Variants in RPA1 observed in about 807,000 individuals in gnomAD.
RPA1 encodes the protein replication protein A1.
In RPA1, 49 loss-of-function variants were observed where a neutral mutation model predicts 83.0. That is an observed-to-expected ratio of 0.59 (90% CI 0.47 to 0.75). RPA1 has a LOEUF of 0.75. Ranked by LOEUF, RPA1 falls within the 30% of genes least tolerant of loss-of-function variation. RPA1 has a pLI of 0.00. For missense variants in RPA1, 693 were observed against 776.1 expected, an observed-to-expected ratio of 0.89 and a Z score of 1.27; for synonymous variants, 279 against 281.8, an observed-to-expected ratio of 0.99 and a Z score of 0.10.
chr17:1,884,918 G>A lies in RPA1; in HGVS notation c.1374+974G>A, dbSNP rs558892644. Among the ~76,000 whole-genome samples, 8 of 152,308 alleles carry A rather than the reference G, an allele frequency of 5.3e-5. No individual in the cohort carries two copies. Among genetic ancestry groups the A allele is most frequent in the South Asian group, 2.1e-4 (1 of 4,826 alleles). On this transcript the variant is annotated intron_variant, in intron 13 of 16. Coordinates refer to ENST00000254719, the MANE Select transcript of RPA1 (RefSeq NM_002945.5). This position sits in a 1 kb window ranked among gnomAD's most constrained non-coding sequence, Gnocchi z 4.1. ...CTTGCTGGTGGGGGTTTGTTTCAGG[G>A]TTGATGGCTGAGCAGTCACGGCGAT...
chr17:1,861,281 C>G (rs77299410), intron 5 of RPA1, among the ~76,000 whole-genome samples: 2 of 152,174 alleles, frequency 1.3e-5, no homozygotes, highest in Non-Finnish European at 2.9e-5. Context: ...TTCTGCACCT[C>G]GGGTTCTGGC....
At chr17:1,888,970 T>C in intron 14 of RPA1, 119 bp downstream of exon 14, 6 of 1,078,568 alleles carry the variant, frequency 5.6e-6, no homozygotes, top group Non-Finnish European at 7.9e-6. Context: ...CGCAGATGAG[T>C]AGGTGTGGAA....
chr17:1,878,498 T>G (rs1397016595), intron 8 of RPA1, among the ~76,000 whole-genome samples: 1 of 152,060 alleles, frequency 6.6e-6, no homozygotes, highest in Non-Finnish European at 1.5e-5. Context: ...AAAGTGAAAA[T>G]CAGATCACAA....
chr17:1,840,694 C>G (rs747689395), intron 1 of RPA1, among the ~76,000 whole-genome samples: 3 of 152,224 alleles, frequency 2.0e-5, no homozygotes, highest in Non-Finnish European at 4.4e-5. Context: ...TAGGCAAGAG[C>G]CGCCGTTTGC....
chr17:1,875,491 G>A (rs1913538715), intron 6 of RPA1, among the ~76,000 whole-genome samples, 170 bp from the exon 7 acceptor site: 1 of 152,114 alleles, frequency 6.6e-6, no homozygotes, highest in Non-Finnish European at 1.5e-5. Context: ...TCCAGCCTCA[G>A]TCTCTATTTG....
intron 6 of RPA1, among the ~76,000 whole-genome samples, chr17:1,874,714 A>G (rs1913512719): frequency 1.3e-5 from 2 of 152,146 alleles, no homozygotes; most frequent in Admixed American, 6.5e-5. Context: ...GGTAATTACT[A>G]TTGTGTGTGT....
chr17:1,867,213 G>A (rs1233257818), intron 5 of RPA1, among the ~76,000 whole-genome samples: 1 of 152,064 alleles, frequency 6.6e-6, no homozygotes, highest in Non-Finnish European at 1.5e-5. Flanking sequence ...CACATTCTCA[G>A]CTTTCAGGAA....
At position 1,897,121 on chromosome 17, in the gene RPA1, C is replaced by T. The variant is rs767000320; in HGVS notation, c.1797C>T (p.Tyr599=). Residue 599 remains tyrosine, a synonymous_variant, in exon 17 of 17, where the codon TAC becomes TAT. Coordinates refer to ENST00000254719, the MANE Select transcript of RPA1 (RefSeq NM_002945.5). Reference sequence around the variant, plus strand: ...TGATGGACGTGAAGCCCGTGGACTACAGAGAGTATGGCCGAAGGCTGGTCA... The same window carrying T: ...TGATGGACGTGAAGCCCGTGGACTATAGAGAGTATGGCCGAAGGCTGGTCA... ...ATVMDVKPVD[Y]REYGRRLVMS... 4 of 1,572,462 alleles carry T rather than the reference C, an allele frequency of 2.5e-6. No homozygotes were observed. The highest frequency in any genetic ancestry group is 3.5e-6 in the Non-Finnish European group (4 of 1,158,544).
chr17:1,898,689 A>G lies in RPA1; in HGVS notation c.*1514A>G, dbSNP rs953163983. On this transcript the variant is annotated 3_prime_UTR_variant, in exon 17 of 17. Coordinates refer to ENST00000254719, the MANE Select transcript of RPA1 (RefSeq NM_002945.5). ...GACGGGATGACTTCCGTTCCTGAGG[A>G]CAGACACAGAGGGACTCCTGCTCAG... 1 of 152,174 alleles carries G rather than the reference A, an allele frequency of 6.6e-6. No homozygotes were observed. The highest frequency in any genetic ancestry group is 1.5e-5 in the Non-Finnish European group (1 of 68,022). The allele number at this position is 152,174 out of a possible 1,614,324, so 9.4% of individuals were successfully genotyped here.
Position 1,830,064 on chromosome 17 carries a change from G to C in RPA1, c.-30G>C, listed in dbSNP as rs1039034709. The C allele has an allele frequency of 3.2e-6, 4 of 1,249,232 alleles. No individual in the cohort carries two copies. Among genetic ancestry groups the C allele is most frequent in the Non-Finnish European group, 2.0e-6 (2 of 988,134 alleles). 77.4% of individuals were successfully genotyped at this position (1,249,232 alleles called of 1,614,324 possible). On this transcript the variant is annotated 5_prime_UTR_variant, in exon 1 of 17. Coordinates refer to ENST00000254719, the MANE Select transcript of RPA1 (RefSeq NM_002945.5). The stretch of plus-strand genomic sequence containing the variant: ...GGTGGGGAAGCTGGAGCTGTTGCGG[G>C]GTCCGCGGGGAAGTCTTGGCGGTGG...
intron 12 of RPA1, among the ~76,000 whole-genome samples, chr17:1,881,782 C>T (rs1913808742): frequency 6.6e-6 from 1 of 152,168 alleles, no homozygotes; most frequent in Non-Finnish European, 1.5e-5. Flanking sequence ...AATAACTTGG[C>T]ATTGATCAAA....
rs978213498 is a variant in RPA1, at chr17:1,884,292, G to A, written c.1374+348G>A. On this transcript the variant is annotated intron_variant, in intron 13 of 16. Coordinates refer to ENST00000254719, the MANE Select transcript of RPA1 (RefSeq NM_002945.5). The surrounding 1 kb of genome is among the most constrained non-coding windows in gnomAD (Gnocchi z 4.1). ...TGTGATCCTTCCTGCAAATTTAAGC[G>A]CCCACATATCAAAAAGATGTTTTTT... 8.6e-5 allele frequency among the ~76,000 whole-genome samples: 13 copies of A among 151,884 alleles called. No individual in the cohort carries two copies. Among genetic ancestry groups the A allele is most frequent in the African/African-American group, 2.9e-4 (12 of 41,344 alleles).
intron 5 of RPA1, among the ~76,000 whole-genome samples, chr17:1,871,477 C>T (rs918187950): frequency 2.6e-5 from 4 of 152,038 alleles, no homozygotes; most frequent in African/African-American, 7.2e-5. Flanking sequence ...CCCTCCCAGC[C>T]GTGGGTACCA....
intron 4 of RPA1, among the ~76,000 whole-genome samples, chr17:1,847,099 C>T (rs907887816): frequency 1.3e-5 from 2 of 152,140 alleles, no homozygotes; most frequent in Admixed American, 1.3e-4. Context: ...GTTCTTTAAT[C>T]GGCTTTGCCT....
In RPA1 at chr17:1,888,715, G is replaced by A. The variant is rs774947057; in HGVS notation, c.1415G>A (p.Arg472His). ...TCTGTGGCCACAGTGGTGTATCTTC[G>A]CAAAGAGAACTGCATGTACCAAGCC... The part of the protein sequence containing the change: ...FSSVATVVYL[R>H]KENCMYQACP... Residue 472 changes from arginine (R) to histidine (H), a missense_variant, in exon 14 of 17, where the codon CGC becomes CAC. Coordinates refer to ENST00000254719, the MANE Select transcript of RPA1 (RefSeq NM_002945.5). 1.1e-5 allele frequency: 18 copies of A among 1,613,992 alleles called. No homozygotes were observed. The highest frequency in any genetic ancestry group is 1.0e-4 in the Admixed American group (6 of 60,000).
chr17:1,890,676 A>G (rs1042782760), intron 14 of RPA1, among the ~76,000 whole-genome samples: 3 of 152,130 alleles, frequency 2.0e-5, no homozygotes, highest in African/African-American at 7.2e-5. Context: ...AAATAAATAA[A>G]TTAAATTAAT....
At chr17:1,861,045 A>G (rs891795168) in intron 5 of RPA1, among the ~76,000 whole-genome samples, 3 of 152,088 alleles carry the variant, frequency 2.0e-5, no homozygotes, top group African/African-American at 4.8e-5. Flanking sequence ...AACAGGTACT[A>G]TTTCAAGCTT....
chr17:1,879,259 G>C lies in RPA1; in HGVS notation c.804G>C (p.Gln268His). ...SKGTLKIANK[Q>H]FTAVKNDYEM... ...GCACCCTGAAGATTGCTAACAAGCA[G>C]TTCACAGCTGTTAAAAATGACTACG... Residue 268 changes from glutamine to histidine, a missense_variant, in exon 10 of 17, where the codon CAG (glutamine) becomes CAC (histidine). Physicochemically the swap from Gln to His is conservative, Grantham distance 24. Transcript: ENST00000254719. 1.9e-6 allele frequency: 3 copies of C among 1,614,194 alleles called. No individual in the cohort carries two copies. The highest frequency in any genetic ancestry group is 1.1e-5 in the South Asian group (1 of 91,088).
At chr17:1,840,319 C>T (rs921809666) in intron 1 of RPA1, among the ~76,000 whole-genome samples, 1 of 151,856 alleles carries the variant, frequency 6.6e-6, no homozygotes, top group Non-Finnish European at 1.5e-5. Context: ...TGGATTCTTT[C>T]TGTGCTGCCC....
Sources: gnomAD v4.1 joint callset for allele counts (sites outside exome capture counted in the v4.1 genomes callset) on GRCh38, gnomAD v4.1.1 for gene constraint, Gnocchi (gnomAD v3.1) non-coding constraint, MANE v1.5 for transcripts, NCBI Gene and HGNC (gene_info 2026-07-23, HGNC 2026-07-21) for gene names.